Variants in ZFHX3 observed in about 807,000 individuals in gnomAD.
ZFHX3 encodes the protein zinc finger homeobox 3.
ZFHX3 carries 42 observed loss-of-function variants against 279.1 expected under a neutral mutation model. The observed-to-expected ratio is 0.15, with a 90% CI of 0.12 to 0.19. The LOEUF (loss-of-function observed/expected upper bound fraction) is 0.19. ZFHX3 is among the 10% of genes least tolerant of loss of function. The pLI is 1.00. For synonymous variants in ZFHX3, 2,293 were observed against 1,957.8 expected, an observed-to-expected ratio of 1.17 and a Z score of -4.52; for missense variants, 4,981 against 4,754.0, an observed-to-expected ratio of 1.05 and a Z score of -1.40.
intron 2 of ZFHX3, among the ~76,000 whole-genome samples, chr16:73,658,915 T>C (rs2052750449): frequency 1.3e-5 from 2 of 152,156 alleles, no homozygotes; most frequent in African/African-American, 4.8e-5. Context: ...ATGGACGCAT[T>C]ATTTACCAAG....
At chr16:73,458,364 C>G (rs537830748) in intron 2 of ZFHX3, among the ~76,000 whole-genome samples, 85 of 132,658 alleles carry the variant, frequency 6.4e-4, no homozygotes, top group African/African-American at 2.2e-3. Flanking sequence ...CTCCTTTCCT[C>G]CCTCCTTCCT....
At chr16:73,681,402 C>T (rs2053008379) in intron 1 of ZFHX3, among the ~76,000 whole-genome samples, 1 of 152,088 alleles carries the variant, frequency 6.6e-6, no homozygotes. Context: ...AAAGGTGAAC[C>T]TTAAAAGAAT....
At chr16:72,982,978 G>C (rs982040283) in intron 1 of ZFHX3, among the ~76,000 whole-genome samples, 1 of 152,208 alleles carries the variant, frequency 6.6e-6, no homozygotes, top group Non-Finnish European at 1.5e-5. Flanking sequence ...GTAACGTAAA[G>C]GGTGATTTGG....
rs114691340 is a variant in ZFHX3, at chr16:73,023,238, A to G, written c.-50+24514T>C. ...AAGACTCTGTCTCAAGAATAAATAA[A>G]TAAATAAAATAAAATATAGTATTTG... On this transcript the variant is annotated intron_variant, in intron 1 of 9. Transcript: ENST00000268489. Among the ~76,000 whole-genome samples the G allele has an allele frequency of 7.9e-3, 1,206 of 152,316 alleles. 16 individuals are homozygous for G. The highest frequency in any genetic ancestry group is 0.028 in the African/African-American group (1,147 of 41,568).
intron 1 of ZFHX3, among the ~76,000 whole-genome samples, chr16:73,810,830 G>T (rs1156614807): frequency 3.3e-5 from 5 of 152,070 alleles, no homozygotes; most frequent in African/African-American, 1.2e-4. Flanking sequence ...TGTAAAAGGG[G>T]TTAGTTAACT....
At chr16:73,290,455 C>T (rs2014739979) in intron 4 of ZFHX3, among the ~76,000 whole-genome samples, 1 of 152,132 alleles carries the variant, frequency 6.6e-6, no homozygotes, top group African/African-American at 2.4e-5. Flanking sequence ...TGGGCAGGGG[C>T]CTGTTTAATG....
Position 72,787,477 on chromosome 16 carries a change from G to C in ZFHX3, c.10799C>G (p.Pro3600Arg), listed in dbSNP as rs1305097746. ...AAHSNDSPPP[P>R]SAAAPSSASP... Reference sequence around the variant, plus strand: ...AGCGGAGGAGGGGGCGGCGGCCGACGGGGGAGGGGGGCTGTCGTTTGAGTG... The same window carrying C: ...AGCGGAGGAGGGGGCGGCGGCCGACCGGGGAGGGGGGCTGTCGTTTGAGTG... The change falls in exon 10 of 10, where the codon CCG (proline) becomes CGG (arginine). Residue 3600 changes from proline (P) to arginine (R), a missense_variant. Pro to Arg is a moderately radical substitution (Grantham distance 103, BLOSUM62 -2). Coordinates refer to ENST00000268489, the MANE Select transcript of ZFHX3 (RefSeq NM_006885.4). 2 of 1,605,784 alleles carry C rather than the reference G, an allele frequency of 1.2e-6. No homozygotes were observed. The highest frequency in any genetic ancestry group is 1.3e-5 in the African/African-American group (1 of 74,600).
intron 5 of ZFHX3, among the ~76,000 whole-genome samples, chr16:72,822,379 G>A (rs945756500): frequency 1.3e-5 from 2 of 152,178 alleles, no homozygotes; most frequent in Non-Finnish European, 2.9e-5. Context: ...TGACTCAGAA[G>A]GCAAATTGGG....
rs557285833 is a variant in ZFHX3, at chr16:73,776,984, C to T, written c.-1607-96744G>A. Among the ~76,000 whole-genome samples, 5 of 152,288 alleles carry T rather than the reference C, an allele frequency of 3.3e-5. No homozygotes were observed. In the South Asian group the frequency reaches 6.2e-4, roughly 19 times the overall value. ...TCTCCTCCTCCTGGAAGGAAGGCAA[C>T]ATCCGGAGCTAGGATTACTCTTCAT... On this transcript the variant is annotated intron_variant, in intron 1 of 17. Coordinates refer to the ZFHX3 transcript ENST00000641206.
chr16:73,509,954 C>T (rs1317903391), intron 2 of ZFHX3, among the ~76,000 whole-genome samples: 2 of 152,180 alleles, frequency 1.3e-5, no homozygotes, highest in East Asian at 3.9e-4. Flanking sequence ...TCTCAGCGTC[C>T]TAAAGTTCTG....
chr16:72,842,059 A>C, intron 4 of ZFHX3, among the ~76,000 whole-genome samples: 1 of 152,234 alleles, frequency 6.6e-6, no homozygotes, highest in East Asian at 1.9e-4. Flanking sequence ...AGAAATTTGT[A>C]GCACACAATT....
At chr16:73,183,061 G>A (rs1035182577) in intron 5 of ZFHX3, among the ~76,000 whole-genome samples, 4 of 152,014 alleles carry the variant, frequency 2.6e-5, no homozygotes, top group South Asian at 2.1e-4. Context: ...AAAATTTAGC[G>A]GGGTGTGGTG....
chr16:72,995,173 ACAGAGTC>A (rs1294611060), intron 1 of ZFHX3, among the ~76,000 whole-genome samples: 1 of 152,170 alleles, frequency 6.6e-6, no homozygotes. Flanking sequence ...AAAATATTCT[ACAGAGTC>A]CAGAGTCCAG....
At chr16:73,800,012 T>C (rs1597121143) in intron 1 of ZFHX3, among the ~76,000 whole-genome samples, 1 of 152,188 alleles carries the variant, frequency 6.6e-6, no homozygotes, top group East Asian at 1.9e-4. Flanking sequence ...ACCCTGTCTC[T>C]ACAAAAAAGA....
chr16:73,588,047 T>C (rs2051945603), intron 2 of ZFHX3, among the ~76,000 whole-genome samples: 3 of 152,130 alleles, frequency 2.0e-5, no homozygotes, highest in Admixed American at 2.0e-4. Context: ...AGGACTGCAA[T>C]GACAATGTTC....
At chr16:73,624,151 G>T (rs752250932) in intron 2 of ZFHX3, among the ~76,000 whole-genome samples, 29 of 152,154 alleles carry the variant, frequency 1.9e-4, no homozygotes, top group Non-Finnish European at 3.4e-4. Context: ...GATATTAGAT[G>T]CTGCTTAAAC....
intron 8 of ZFHX3, chr16:73,092,995 C>T (rs749622917): frequency 1.9e-6 from 1 of 520,112 alleles, no homozygotes; most frequent in South Asian, 1.4e-5. Context: ...GGTGAAATCC[C>T]TTCTCCTTTT....
intron 1 of ZFHX3, among the ~76,000 whole-genome samples, chr16:73,768,446 T>C (rs2053979153): frequency 6.6e-6 from 1 of 152,304 alleles, no homozygotes; most frequent in Non-Finnish European, 1.5e-5. Flanking sequence ...CCAACCCCTA[T>C]GATAGTTCTA....
chr16:73,274,572 A>C (rs1165249048), intron 4 of ZFHX3, among the ~76,000 whole-genome samples: 2 of 152,162 alleles, frequency 1.3e-5, no homozygotes, highest in Non-Finnish European at 2.9e-5. Flanking sequence ...CAGGTGTTCC[A>C]CACTATTTAT....
Sources: gnomAD v4.1 joint callset for allele counts (sites outside exome capture counted in the v4.1 genomes callset) on GRCh38, gnomAD v4.1.1 for gene constraint, MANE v1.5 for transcripts, NCBI Gene and HGNC (gene_info 2026-07-23, HGNC 2026-07-21) for gene names.